NXNL1: variants seen among roughly 807,000 people sequenced by gnomAD.
NXNL1 encodes the protein nucleoredoxin-like protein 1.
Under a neutral mutation model 7.2 loss-of-function variants are expected in NXNL1, and 6 were observed. The ratio of observed to expected loss-of-function variants is 0.83; its 90% CI spans 0.46 to 1.64. The LOEUF (loss-of-function observed/expected upper bound fraction) is 1.64, where lower values mean the gene tolerates loss of function less well. NXNL1 is among the 40% of genes most tolerant of loss of function. The probability of loss-of-function intolerance (pLI) is 0.01; values close to 1 mark genes in which losing one functional copy is unlikely to be tolerated. For synonymous variants in NXNL1, 133 were observed against 127.2 expected, an observed-to-expected ratio of 1.05 and a Z score of -0.31; for missense variants, 308 against 285.1, an observed-to-expected ratio of 1.08 and a Z score of -0.58.
In NXNL1 at chr19:17,455,998, C is replaced by T. The variant is rs371596177; in HGVS notation, c.327-39G>A. 5 of 1,596,232 alleles carry T rather than the reference C, an allele frequency of 3.1e-6. No homozygotes were observed. The East Asian group carries it at 1.1e-4, about 36-fold the overall frequency. ...AGGTCAGTCTGGACGGATCCACATCCCTGATGCTGAACCAGAGAGCCCCAC... is the reference window on the plus strand; with the variant it reads ...AGGTCAGTCTGGACGGATCCACATCTCTGATGCTGAACCAGAGAGCCCCAC... On this transcript the variant is annotated intron_variant, in intron 1 of 1. Transcript: ENST00000301944.
At position 17,460,773 on chromosome 19, in the gene NXNL1, G is replaced by T. The variant is rs750452704; in HGVS notation, c.97C>A (p.Arg33=). 2 of 1,613,794 alleles carry T rather than the reference G, an allele frequency of 1.2e-6. No homozygotes were observed. The highest frequency in any genetic ancestry group is 8.5e-7 in the Non-Finnish European group (1 of 1,180,034). Residue 33 remains arginine, a synonymous_variant, in exon 1 of 2, where the codon CGG becomes AGG. Coordinates refer to ENST00000301944, the MANE Select transcript of NXNL1 (RefSeq NM_138454.2). ...EAEVSRRLEN[R]LVLLFFGAGA... ...GCACCAAAGAACAGCAGCACCAGCC[G>T]GTTCTCCAGCCTGCGACTGACCTCA...
chr19:17,456,689 C>A (rs917047069), intron 1 of NXNL1, among the ~76,000 whole-genome samples: 7 of 151,944 alleles, frequency 4.6e-5, no homozygotes, highest in African/African-American at 1.7e-4. Context: ...CGAGACCAGC[C>A]TAGCCAACAT....
chr19:17,455,679 C>T lies in NXNL1; in HGVS notation c.607G>A (p.Gly203Arg). Residue 203 changes from glycine to arginine, a missense_variant, in exon 2 of 2, where the codon GGG becomes AGG. Gly to Arg is a moderately radical substitution (Grantham distance 125, BLOSUM62 -2). Coordinates refer to ENST00000301944, the MANE Select transcript of NXNL1 (RefSeq NM_138454.2). ...AGCCCCCCGGCCCCGCCCTCCTCCC[C>T]ACCCCCTCCCCCGGGGTCGCGCCCG... ...RGGRDPGGGGGEEGGAGGLF is the reference protein window; with the variant it reads ...RGGRDPGGGGREEGGAGGLF 1 of 1,443,080 alleles carries T rather than the reference C, an allele frequency of 6.9e-7. No individual in the cohort carries two copies. The highest frequency in any genetic ancestry group is 1.2e-5 in the South Asian group (1 of 81,300). The allele number at this position is 1,443,080 out of a possible 1,614,324, so 89.4% of individuals were successfully genotyped here. A position where few individuals can be genotyped will look rare whatever the true frequency, so the allele number is the denominator to read the frequency against.
In NXNL1 at chr19:17,460,736, G is replaced by A. The variant is rs776799934; in HGVS notation, c.134C>T (p.Pro45Leu). The change falls in exon 1 of 2, where the codon CCA (proline) becomes CTA (leucine). Residue 45 changes from proline (P) to leucine (L), a missense_variant. By Grantham distance (98) the Pro-to-Leu change is moderately conservative. Transcript: ENST00000301944. ...VLLFFGAGAC[P>L]QCQAFVPILK... ...GATGGGCACGAAGGCCTGGCACTGT[G>A]GACAAGCCCCAGCACCAAAGAACAG... 6.2e-7 allele frequency: 1 copy of A among 1,613,754 alleles called. No homozygotes were observed. The highest frequency in any genetic ancestry group is 1.7e-5 in the Admixed American group (1 of 60,000).
At position 17,460,535 on chromosome 19, in the gene NXNL1, C is replaced by T; in HGVS notation, c.326+9G>A. 1 of 1,599,690 alleles carries T rather than the reference C, an allele frequency of 6.3e-7. No homozygotes were observed. Among genetic ancestry groups the T allele is most frequent in the Non-Finnish European group, 8.5e-7 (1 of 1,179,894 alleles). Reference sequence around the variant, plus strand: ...CCTCCTCCAGGAAGCCCTCCCTGCCCCTCCTCACCTCCTCAGATCATCCTC... The same window carrying T: ...CCTCCTCCAGGAAGCCCTCCCTGCCTCTCCTCACCTCCTCAGATCATCCTC... On this transcript the variant is annotated intron_variant, in intron 1 of 1. Coordinates refer to ENST00000301944, the MANE Select transcript of NXNL1 (RefSeq NM_138454.2).
At chr19:17,459,922 C>T (rs1049073541) in intron 1 of NXNL1, among the ~76,000 whole-genome samples, 11 of 152,086 alleles carry the variant, frequency 7.2e-5, no homozygotes, top group African/African-American at 2.7e-4. Context: ...ATCCTCTGAC[C>T]CCGGAACCTC....
Position 17,455,822 on chromosome 19 carries a change from G to A in NXNL1, c.464C>T (p.Ala155Val). 1.3e-6 allele frequency: 2 copies of A among 1,578,504 alleles called. No homozygotes were observed. The highest frequency in any genetic ancestry group is 1.1e-5 in the South Asian group (1 of 87,796). The change falls in exon 2 of 2, where the codon GCG becomes GTG. Residue 155 changes from alanine to valine, a missense_variant. Transcript: ENST00000301944. Reference sequence around the variant, plus strand: ...GAAGTTGCGGTCCAGCACCTCGGCCGCCTCCTGCCAGTTGGCGAAGCAGGC... The same window carrying A: ...GAAGTTGCGGTCCAGCACCTCGGCCACCTCCTGCCAGTTGGCGAAGCAGGC... ...GTACFANWQE[A>V]AEVLDRNFQL...
intron 1 of NXNL1, among the ~76,000 whole-genome samples, chr19:17,456,365 T>G (rs1027855913): frequency 1.3e-5 from 2 of 150,646 alleles, no homozygotes; most frequent in African/African-American, 4.9e-5. Flanking sequence ...GGTGCGCTCC[T>G]GTAGTCCCAG....
chr19:17,460,891 G>C lies in NXNL1; in HGVS notation c.-22C>G. On this transcript the variant is annotated 5_prime_UTR_variant, in exon 1 of 2. Coordinates refer to ENST00000301944, the MANE Select transcript of NXNL1 (RefSeq NM_138454.2). Reference sequence around the variant, plus strand: ...CCATGGTAACCTGGGTTGGGTGCTGGGGACAGCGCGGCGTGTGGTCCCCGG... The same window carrying C: ...CCATGGTAACCTGGGTTGGGTGCTGCGGACAGCGCGGCGTGTGGTCCCCGG... 6.2e-7 allele frequency: 1 copy of C among 1,609,376 alleles called. No individual in the cohort carries two copies. The highest frequency in any genetic ancestry group is 8.5e-7 in the Non-Finnish European group (1 of 1,179,258).
intron 1 of NXNL1, 139 bp from the exon 2 acceptor site, chr19:17,456,098 AGGACCGGGACAGGGCCAGACACTTT>A: frequency 6.9e-7 from 1 of 1,446,268 alleles, no homozygotes. Context: ...GGTGCACACG[AGGACCGGGACAGGGCCAGACACTTT>A]GGTCCCCGCG....
At position 17,455,488 on chromosome 19, in the gene NXNL1, T is replaced by A. The variant is rs902434171; in HGVS notation, c.*159A>T. On this transcript the variant is annotated 3_prime_UTR_variant, in exon 2 of 2. Coordinates refer to ENST00000301944, the MANE Select transcript of NXNL1 (RefSeq NM_138454.2). ...GGGCTAACTTTTAATTTTCGTAGAG[T>A]CAGGGTCTCACTCTCTTGCCCAGGT... 8.4e-6 allele frequency: 5 copies of A among 596,358 alleles called. No individual in the cohort carries two copies. Among genetic ancestry groups the A allele is most frequent in the African/African-American group, 7.5e-5 (4 of 53,138 alleles). 36.9% of individuals were successfully genotyped at this position (596,358 alleles called of 1,614,324 possible).
chr19:17,457,062 C>T (rs996764021), intron 1 of NXNL1, among the ~76,000 whole-genome samples: 4 of 122,872 alleles, frequency 3.3e-5, no homozygotes, highest in African/African-American at 1.2e-4. Context: ...ACAACAACAA[C>T]AAACAACATA....
chr19:17,455,589 G>C lies in NXNL1; in HGVS notation c.*58C>G. The C allele has an allele frequency of 9.5e-7, 1 of 1,055,496 alleles. No homozygotes were observed. Among genetic ancestry groups the C allele is most frequent in the Non-Finnish European group, 1.4e-6 (1 of 733,700 alleles). The allele number at this position is 1,055,496 out of a possible 1,614,324, so 65.4% of individuals were successfully genotyped here. On this transcript the variant is annotated 3_prime_UTR_variant, in exon 2 of 2. Coordinates refer to ENST00000301944, the MANE Select transcript of NXNL1 (RefSeq NM_138454.2). ...GTGCTGGGATTACAGGCGTGCGGGG[G>C]TGGGGTGGGGGTGGAGGTTCATCAA...
In NXNL1 at chr19:17,455,680, A is replaced by ACCCCCC; in HGVS notation, c.605_606insGGGGGG (p.Gly202_Gly203dup). 2 of 413,168 alleles carry ACCCCCC rather than the reference A, an allele frequency of 4.8e-6. No individual in the cohort carries two copies. Among genetic ancestry groups the ACCCCCC allele is most frequent in the Non-Finnish European group, 6.9e-6 (2 of 291,036 alleles). 25.6% of individuals were successfully genotyped at this position (413,168 alleles called of 1,614,324 possible). On this transcript the variant is annotated inframe_insertion, in exon 2 of 2. Coordinates refer to ENST00000301944, the MANE Select transcript of NXNL1 (RefSeq NM_138454.2). ...GCCCCCCGGCCCCGCCCTCCTCCCC[A>ACCCCCC]CCCCCTCCCCCGGGGTCGCGCCCGC...
chr19:17,458,220 C>CTTTCT (rs2074999944), intron 1 of NXNL1, among the ~76,000 whole-genome samples: 1 of 122,182 alleles, frequency 8.2e-6, no homozygotes, highest in Non-Finnish European at 1.7e-5. Flanking sequence ...TTCTTTCTTT[C>CTTTCT]TTTTTTTTTT....
intron 1 of NXNL1, among the ~76,000 whole-genome samples, chr19:17,456,438 C>G (rs1229255874): frequency 6.6e-6 from 1 of 151,944 alleles, no homozygotes; most frequent in Admixed American, 6.6e-5. Flanking sequence ...CCCAGGATTT[C>G]GAGGCTGCAG....
chr19:17,457,294 T>C (rs2074996838), intron 1 of NXNL1, among the ~76,000 whole-genome samples: 1 of 152,128 alleles, frequency 6.6e-6, no homozygotes, highest in African/African-American at 2.4e-5. Context: ...TGAATAATCT[T>C]TTAGTGTAAG....
intron 1 of NXNL1, among the ~76,000 whole-genome samples, chr19:17,457,925 A>G (rs926950539): frequency 1.3e-5 from 2 of 152,204 alleles, no homozygotes; most frequent in African/African-American, 4.8e-5. Context: ...TCTGATGATG[A>G]CCAGAAACTT....
At position 17,460,818 on chromosome 19, in the gene NXNL1, C is replaced by A. The variant is rs773261846; in HGVS notation, c.52G>T (p.Asp18Tyr). 6.2e-7 allele frequency: 1 copy of A among 1,613,836 alleles called. No homozygotes were observed. Among genetic ancestry groups the A allele is most frequent in the East Asian group, 2.2e-5 (1 of 44,884 alleles). ...ACCTCAGCCTCCGTATCCAGCTCGT[C>A]CTGGTCGCTATTGTTGCGGATCAGG... ...RILIRNNSDQ[D>Y]ELDTEAEVSR... The change falls in exon 1 of 2, where the codon GAC becomes TAC. Residue 18 changes from aspartate to tyrosine, a missense_variant. Coordinates refer to ENST00000301944, the MANE Select transcript of NXNL1 (RefSeq NM_138454.2).
Sources: allele counts gnomAD v4.1 joint callset (sites outside exome capture counted in the v4.1 genomes callset), GRCh38; gene constraint gnomAD v4.1.1; transcripts MANE v1.5; gene names NCBI Gene and HGNC (gene_info 2026-07-23, HGNC 2026-07-21).